The following ZFPM1 variants were observed in gnomAD, a reference collection of about 807,000 sequenced individuals.
ZFPM1 encodes the protein zinc finger protein, FOG family member 1, also known as zinc finger protein ZFPM1.
In ZFPM1, 28 loss-of-function variants were observed where a neutral mutation model predicts 46.3. That is an observed-to-expected ratio of 0.60 (90% CI 0.45 to 0.83). The LOEUF (loss-of-function observed/expected upper bound fraction) is 0.83, where lower values mean the gene tolerates loss of function less well. ZFPM1 is among the 40% of genes least tolerant of loss of function. The probability of loss-of-function intolerance (pLI) is 0.00; values close to 1 mark genes in which losing one functional copy is unlikely to be tolerated. For missense variants in ZFPM1, 1,878 were observed against 1,432.4 expected (o/e 1.31, Z -5.02); for synonymous variants, 957 against 675.9 (o/e 1.42, Z -6.45).
chr16:88,516,484 G>GC (rs1373723079), intron 4 of ZFPM1: 8 of 398,422 alleles, frequency 2.0e-5, no homozygotes, highest in Non-Finnish European at 3.1e-5. Flanking sequence ...GGAGGAAGGA[G>GC]CCCCCGCTCC....
At chr16:88,455,350 A>C (rs1907496722) in intron 1 of ZFPM1, among the ~76,000 whole-genome samples, 1 of 152,012 alleles carries the variant, frequency 6.6e-6, no homozygotes, top group Non-Finnish European at 1.5e-5. Flanking sequence ...ACGGTGAGCC[A>C]CCGCGGCCCA....
At chr16:88,481,699 C>A (rs1339650443) in intron 1 of ZFPM1, among the ~76,000 whole-genome samples, 2 of 152,102 alleles carry the variant, frequency 1.3e-5, no homozygotes, top group Non-Finnish European at 2.9e-5. Flanking sequence ...TCCTGACCGC[C>A]CCTACCTGCT....
intron 1 of ZFPM1, among the ~76,000 whole-genome samples, chr16:88,463,945 C>A (rs1357310311): frequency 6.6e-6 from 1 of 152,220 alleles, no homozygotes; most frequent in African/African-American, 2.4e-5. Context: ...CACGGCTAGA[C>A]CTGGCACACG....
intron 3 of ZFPM1, chr16:88,489,470 GGC>G: frequency 3.1e-6 from 1 of 322,676 alleles, no homozygotes; most frequent in Non-Finnish European, 5.7e-6. Context: ...AGGCAGGAAA[GGC>G]AGGGAGGTGG....
At chr16:88,459,101 G>C (rs973816697) in intron 1 of ZFPM1, among the ~76,000 whole-genome samples, 1 of 152,184 alleles carries the variant, frequency 6.6e-6, no homozygotes. Context: ...CTCCTCTGTG[G>C]CTCCTTTTGG....
Position 88,533,130 on chromosome 16 carries a change from C to A in ZFPM1, c.1190-18C>A. Reference sequence around the variant, plus strand: ...CCTGCCCCAGGCCTGAGGTGCCACCCCTGCGATCTCTCTGCAGACAGTCTG... The same window carrying A: ...CCTGCCCCAGGCCTGAGGTGCCACCACTGCGATCTCTCTGCAGACAGTCTG... On this transcript the variant is annotated intron_variant, in intron 9 of 9. Coordinates refer to ENST00000319555, the MANE Select transcript of ZFPM1 (RefSeq NM_153813.3). The A allele has an allele frequency of 2.0e-6, 3 of 1,475,720 alleles. No individual in the cohort carries two copies. Among genetic ancestry groups the A allele is most frequent in the South Asian group, 1.4e-5 (1 of 72,016 alleles). The allele number at this position is 1,475,720 out of a possible 1,614,324, so 91.4% of individuals were successfully genotyped here. A position where few individuals can be genotyped will look rare whatever the true frequency, so the allele number is the denominator to read the frequency against.
At chr16:88,458,320 T>G (rs756908187) in intron 1 of ZFPM1, among the ~76,000 whole-genome samples, 15 of 152,168 alleles carry the variant, frequency 9.9e-5, no homozygotes, top group Non-Finnish European at 2.1e-4. Flanking sequence ...ATGGCCTCCT[T>G]CCTAAGACAT....
At chr16:88,501,944 G>A (rs957915230) in intron 3 of ZFPM1, among the ~76,000 whole-genome samples, 32 of 152,210 alleles carry the variant, frequency 2.1e-4, no homozygotes, top group South Asian at 6.2e-4. Flanking sequence ...TGGTTCATCC[G>A]AGGTGGAGAC....
chr16:88,515,729 G>A (rs1911256388), intron 4 of ZFPM1, among the ~76,000 whole-genome samples: 2 of 152,238 alleles, frequency 1.3e-5, no homozygotes, highest in South Asian at 4.1e-4. Flanking sequence ...AAGCTCAGTG[G>A]TGGTCAGTTT....
At chr16:88,491,908 C>A (rs1437542569) in intron 3 of ZFPM1, among the ~76,000 whole-genome samples, 9 of 152,182 alleles carry the variant, frequency 5.9e-5, no homozygotes. Flanking sequence ...TCTCTCGGGG[C>A]GGCCCGTGCG....
At chr16:88,492,642 C>T (rs1372267085) in intron 3 of ZFPM1, among the ~76,000 whole-genome samples, 2 of 152,220 alleles carry the variant, frequency 1.3e-5, no homozygotes, top group Non-Finnish European at 2.9e-5. Context: ...GACCCATTTC[C>T]CAGGGAAAGC....
chr16:88,482,210 C>T (rs1169135591), intron 1 of ZFPM1, among the ~76,000 whole-genome samples: 1 of 152,016 alleles, frequency 6.6e-6, no homozygotes, highest in African/African-American at 2.4e-5. Flanking sequence ...CTCACAGATG[C>T]CCCCAGCCAC....
chr16:88,479,033 A>G (rs545169361), intron 1 of ZFPM1, among the ~76,000 whole-genome samples: 7 of 152,292 alleles, frequency 4.6e-5, no homozygotes, highest in African/African-American at 1.7e-4. Flanking sequence ...TAGGCACAGA[A>G]GGCGCCGTCT....
chr16:88,472,634 G>A (rs143512718), intron 1 of ZFPM1, among the ~76,000 whole-genome samples: 1 of 152,208 alleles, frequency 6.6e-6, no homozygotes, highest in Non-Finnish European at 1.5e-5. Context: ...TTACAAGCGT[G>A]AGCCACTGCG....
At chr16:88,525,937 G>A (rs1018309927) in intron 4 of ZFPM1, among the ~76,000 whole-genome samples, 22 of 152,232 alleles carry the variant, frequency 1.4e-4, no homozygotes, top group Non-Finnish European at 2.9e-4. Flanking sequence ...AGCCACCGCC[G>A]ACAGCATGGC....
Position 88,534,994 on chromosome 16 carries a change from G to C in ZFPM1, c.*15G>C. 7.2e-7 allele frequency: 1 copy of C among 1,385,914 alleles called. No homozygotes were observed. 85.9% of individuals were successfully genotyped at this position (1,385,914 alleles called of 1,614,324 possible). A position where few individuals can be genotyped will look rare whatever the true frequency, so the allele number is the denominator to read the frequency against. The stretch of plus-strand genomic sequence containing the variant: ...ACGTGAAGTGAGCGCCCACACTACA[G>C]CCGCAGACGCTTTGCACGCCCCGCT... On this transcript the variant is annotated 3_prime_UTR_variant, in exon 10 of 10. Transcript: ENST00000319555.
chr16:88,482,818 G>C (rs1341650832), intron 1 of ZFPM1, among the ~76,000 whole-genome samples: 1 of 152,180 alleles, frequency 6.6e-6, no homozygotes, highest in African/African-American at 2.4e-5. Context: ...GCCTCTAGAA[G>C]GGGGAGGAGC....
rs769705999 is a variant in ZFPM1 at position 88,532,939 on chromosome 16, A to AGC, written c.1189+5_1189+6dup. 2 of 1,612,764 alleles carry AGC rather than the reference A, an allele frequency of 1.2e-6. No homozygotes were observed. The highest frequency in any genetic ancestry group is 2.2e-5 in the South Asian group (2 of 91,074). ...CCAGCAACCAAGCTGCCCCCAGGTG[A>AGC]GCAGCCCTGTGGGGGCCACCCCTGC... On this transcript the variant is annotated splice_donor_region_variant and intron_variant, in intron 9 of 9. Transcript: ENST00000319555.
intron 1 of ZFPM1, among the ~76,000 whole-genome samples, chr16:88,473,473 G>A (rs945548641): frequency 6.6e-6 from 1 of 152,228 alleles, no homozygotes; most frequent in Non-Finnish European, 1.5e-5. Context: ...AGGGCGGGAG[G>A]AGGGTCGGCT....
Sources: allele counts gnomAD v4.1 joint callset (sites outside exome capture counted in the v4.1 genomes callset), GRCh38; gene constraint gnomAD v4.1.1; transcripts MANE v1.5; gene names NCBI Gene and HGNC (gene_info 2026-07-23, HGNC 2026-07-21).